Variants in USP34 observed in about 807,000 individuals in gnomAD.
USP34 encodes the protein ubiquitin carboxyl-terminal hydrolase 34.
Under a neutral mutation model 460.3 loss-of-function variants are expected in USP34, and 70 were observed. The observed-to-expected ratio is 0.15, with a 90% CI of 0.13 to 0.19. The LOEUF (loss-of-function observed/expected upper bound fraction) is 0.19. USP34 is among the 10% of genes least tolerant of loss of function. The pLI is 1.00. For missense variants in USP34, 3,985 were observed against 4,236.2 expected (o/e 0.94, Z 1.65); for synonymous variants, 1,647 against 1,405.3 (o/e 1.17, Z -3.85).
At chr2:61,326,224 G>T (rs771838300) in intron 20 of USP34, among the ~76,000 whole-genome samples, 2 of 151,986 alleles carry the variant, frequency 1.3e-5, no homozygotes, top group South Asian at 2.1e-4. Context: ...GGGGCTGGAA[G>T]GGGGGCAGAG....
intron 49 of USP34, among the ~76,000 whole-genome samples, chr2:61,247,000 C>T (rs1028649606): frequency 1.3e-5 from 2 of 151,804 alleles, no homozygotes; most frequent in African/African-American, 2.4e-5. Flanking sequence ...AAAAGGAAAA[C>T]GAACCAATGT....
At chr2:61,424,567 C>T (rs1459032109) in intron 1 of USP34, among the ~76,000 whole-genome samples, 1 of 152,106 alleles carries the variant, frequency 6.6e-6, no homozygotes, top group Non-Finnish European at 1.5e-5. Flanking sequence ...TAACACTACT[C>T]AACTATATAC....
At chr2:61,438,464 T>G (rs1409444287) in intron 1 of USP34, among the ~76,000 whole-genome samples, 2 of 151,766 alleles carry the variant, frequency 1.3e-5, no homozygotes, top group Non-Finnish European at 2.9e-5. Flanking sequence ...ACTACAAAAA[T>G]TAGCCACAAG....
chr2:61,248,274 G>A (rs1688477592), intron 49 of USP34, among the ~76,000 whole-genome samples: 1 of 151,266 alleles, frequency 6.6e-6, no homozygotes, highest in Admixed American at 6.6e-5. Context: ...CAACAACCGT[G>A]CTTATCCTGT....
chr2:61,245,423 C>G (rs990934806), intron 50 of USP34, 135 bp from the exon 51 acceptor site: 2 of 466,058 alleles, frequency 4.3e-6, no homozygotes, highest in African/African-American at 4.0e-5. Context: ...CTTATTTTTA[C>G]AATTCTAATC....
At chr2:61,347,448 A>G (rs1479844499) in intron 15 of USP34, among the ~76,000 whole-genome samples, 1 of 152,010 alleles carries the variant, frequency 6.6e-6, no homozygotes, top group African/African-American at 2.4e-5. Flanking sequence ...ATCTCAGCTC[A>G]CTGCAACCTC....
At chr2:61,287,293 C>G (rs1186674712) in intron 34 of USP34, among the ~76,000 whole-genome samples, 1 of 152,136 alleles carries the variant, frequency 6.6e-6, no homozygotes, top group Non-Finnish European at 1.5e-5. Context: ...AGGTGAGGTT[C>G]TCAAAAGGTT....
At chr2:61,443,228 T>TG (rs1366618012) in intron 1 of USP34, among the ~76,000 whole-genome samples, 1 of 152,116 alleles carries the variant, frequency 6.6e-6, no homozygotes, top group African/African-American at 2.4e-5. Context: ...TACATAACTG[T>TG]GAAATGACTA....
chr2:61,343,097 T>C (rs1197988550), intron 16 of USP34, among the ~76,000 whole-genome samples: 1 of 152,216 alleles, frequency 6.6e-6, no homozygotes, highest in Non-Finnish European at 1.5e-5. Flanking sequence ...ATAAACGTAA[T>C]CCATCCGGTT....
At chr2:61,325,328 C>A (rs1266805186) in intron 21 of USP34, 47 bp downstream of exon 21, 2 of 1,271,528 alleles carry the variant, frequency 1.6e-6, no homozygotes, top group Non-Finnish European at 1.1e-6. Flanking sequence ...TTTAGTTCTT[C>A]CAATAGTCAA....
chr2:61,326,550 T>G (rs1159760562), intron 20 of USP34, among the ~76,000 whole-genome samples: 2 of 151,808 alleles, frequency 1.3e-5, no homozygotes, highest in Non-Finnish European at 2.9e-5. Context: ...AAGGATTCCT[T>G]TCCTTTGGCA....
intron 75 of USP34, among the ~76,000 whole-genome samples, chr2:61,202,807 C>A (rs532280592): frequency 6.6e-6 from 1 of 152,248 alleles, no homozygotes; most frequent in South Asian, 2.1e-4. Context: ...TCCACCTCTA[C>A]GCCTGCCTCC....
At chr2:61,313,591 C>A (rs1460849107) in intron 25 of USP34, among the ~76,000 whole-genome samples, 1 of 152,024 alleles carries the variant, frequency 6.6e-6, no homozygotes, top group African/African-American at 2.4e-5. Flanking sequence ...ATAAGTTACA[C>A]CACATTTGCT....
intron 3 of USP34, among the ~76,000 whole-genome samples, chr2:61,398,013 G>A (rs1693590015): frequency 6.6e-6 from 1 of 152,098 alleles, no homozygotes; most frequent in African/African-American, 2.4e-5. Flanking sequence ...GGGGGTTGCA[G>A]TGAGTCAAGA....
chr2:61,466,193 G>A (rs1695757641), intron 1 of USP34, among the ~76,000 whole-genome samples: 1 of 152,078 alleles, frequency 6.6e-6, no homozygotes, highest in Non-Finnish European at 1.5e-5. Context: ...GGGAGGCCAA[G>A]GCGGGCAGAT....
At chr2:61,455,589 A>T (rs1292204122) in intron 1 of USP34, among the ~76,000 whole-genome samples, 1 of 152,168 alleles carries the variant, frequency 6.6e-6, no homozygotes, top group Non-Finnish European at 1.5e-5. Flanking sequence ...CCCAGGCAGC[A>T]TACCAAGACC....
At position 61,211,792 on chromosome 2, in the gene USP34, G is replaced by A. The variant is rs919773767; in HGVS notation, c.8820C>T (p.Ser2940=). 4.4e-6 allele frequency: 7 copies of A among 1,586,882 alleles called. No homozygotes were observed. The highest frequency in any genetic ancestry group is 3.8e-5 in the Admixed American group (2 of 52,764). ...TTTACCTTATTAAAGTAGTCCAGCAGGAGCGGCCATCTAAGCAACGTAAGT... is the reference window on the plus strand; with the variant it reads ...TTTACCTTATTAAAGTAGTCCAGCAAGAGCGGCCATCTAAGCAACGTAAGT... ...SCYLRCLDGR[S]CWTTLISAFR... The change falls in exon 69 of 80, where the codon TCC becomes TCT. Residue 2940 remains serine, a synonymous_variant. Coordinates refer to ENST00000398571, the MANE Select transcript of USP34 (RefSeq NM_014709.4).
chr2:61,224,819 A>T (rs1687682771), intron 62 of USP34, among the ~76,000 whole-genome samples: 1 of 152,222 alleles, frequency 6.6e-6, no homozygotes, highest in South Asian at 2.1e-4. Context: ...AAAGCTGTTC[A>T]ATCTATGACC....
At chr2:61,201,812 C>T (rs1026810969) in intron 75 of USP34, among the ~76,000 whole-genome samples, 1 of 152,176 alleles carries the variant, frequency 6.6e-6, no homozygotes, top group African/African-American at 2.4e-5. Context: ...TATATGAACA[C>T]AATTACCAAA....
Sources: allele counts gnomAD v4.1 joint callset (sites outside exome capture counted in the v4.1 genomes callset), GRCh38; gene constraint gnomAD v4.1.1; transcripts MANE v1.5; gene names NCBI Gene and HGNC (gene_info 2026-07-23, HGNC 2026-07-21).